CIMAP3: variants seen among roughly 807,000 people sequenced by gnomAD.
CIMAP3 encodes ciliary microtubule-associated protein 3.
At chr1:111,351,133 C>G in the CIMAP3 span, 10 of 792,524 alleles carry the variant, frequency 1.3e-5, no homozygotes, top group Middle Eastern at 7.3e-4. Context: ...GGCTAGATTA[C>G]TATGGAGTTG....
chr1:111,341,270 AG>A, the CIMAP3 span, among the ~76,000 whole-genome samples: 1 of 151,894 alleles, frequency 6.6e-6, no homozygotes, highest in Non-Finnish European at 1.5e-5. Context: ...ATGACGAGTT[AG>A]TGGGTGCAGC....
At chr1:111,340,920 C>T in the CIMAP3 span, among the ~76,000 whole-genome samples, 14 of 152,072 alleles carry the variant, frequency 9.2e-5, no homozygotes, top group South Asian at 2.1e-4. Flanking sequence ...ATGTTTATTG[C>T]GACATTATTC....
chr1:111,348,564 G>GA, the CIMAP3 span: 1 of 1,611,926 alleles, frequency 6.2e-7, no homozygotes, highest in Middle Eastern at 1.7e-4. Context: ...TCCTCAGCAG[G>GA]AAAAACACAA....
At chr1:111,340,060 C>T in the CIMAP3 span, among the ~76,000 whole-genome samples, 3 of 151,910 alleles carry the variant, frequency 2.0e-5, no homozygotes, top group Non-Finnish European at 4.4e-5. Context: ...CGCATATCTA[C>T]AACTATCTGA....
chr1:111,337,744 A>G, the CIMAP3 span, among the ~76,000 whole-genome samples: 1 of 152,152 alleles, frequency 6.6e-6, no homozygotes, highest in African/African-American at 2.4e-5. Context: ...CACAACAATA[A>G]TGGGAGACTT....
At chr1:111,342,947 G>A in the CIMAP3 span, among the ~76,000 whole-genome samples, 5 of 152,126 alleles carry the variant, frequency 3.3e-5, no homozygotes, top group Non-Finnish European at 7.3e-5. Context: ...TATTGTTGGT[G>A]ATAATCCCAG....
At chr1:111,351,250 T>A in the CIMAP3 span, 1 of 1,610,924 alleles carries the variant, frequency 6.2e-7, no homozygotes. Flanking sequence ...AAACGTTCTT[T>A]CATTGCAGCT....
At chr1:111,340,137 A>G in the CIMAP3 span, among the ~76,000 whole-genome samples, 3 of 152,128 alleles carry the variant, frequency 2.0e-5, no homozygotes, top group African/African-American at 4.8e-5. Flanking sequence ...TGGTGCTGGG[A>G]AAACTGGCTA....
the CIMAP3 span, among the ~76,000 whole-genome samples, chr1:111,341,448 G>T: frequency 6.6e-6 from 1 of 152,162 alleles, no homozygotes; most frequent in Non-Finnish European, 1.5e-5. Flanking sequence ...TCCAGAAGGA[G>T]AGGTAGCAAA....
the CIMAP3 span, among the ~76,000 whole-genome samples, chr1:111,329,545 ATATATATATATATAAT>A: frequency 4.9e-5 from 3 of 61,726 alleles, no homozygotes; most frequent in East Asian, 4.5e-4. Flanking sequence ...ATATATATAT[ATATATATATATATAAT>A]TTTTTTTTTT....
chr1:111,328,126 A>G, the CIMAP3 span, among the ~76,000 whole-genome samples: 1 of 152,196 alleles, frequency 6.6e-6, no homozygotes, highest in African/African-American at 2.4e-5. Context: ...ATTCAGAAGC[A>G]TATTGTTTAA....
the CIMAP3 span, among the ~76,000 whole-genome samples, chr1:111,342,143 G>A: frequency 1.3e-5 from 2 of 152,114 alleles, no homozygotes; most frequent in Non-Finnish European, 2.9e-5. Flanking sequence ...AGGTCAAGGA[G>A]AAAGAGACGA....
At chr1:111,345,326 T>C in the CIMAP3 span, among the ~76,000 whole-genome samples, 1 of 152,246 alleles carries the variant, frequency 6.6e-6, no homozygotes, top group African/African-American at 2.4e-5. Context: ...CAACCTTTTA[T>C]ATTACTGGGC....
At chr1:111,350,716 A>C in the CIMAP3 span, among the ~76,000 whole-genome samples, 1 of 152,226 alleles carries the variant, frequency 6.6e-6, no homozygotes, top group Non-Finnish European at 1.5e-5. Flanking sequence ...ATCTTGAGCA[A>C]ATCTTTTGAC....
At chr1:111,335,127 C>CAAAAAAAAAAAAAAAAAA in the CIMAP3 span, among the ~76,000 whole-genome samples, 1 of 29,314 alleles carries the variant, frequency 3.4e-5, no homozygotes, top group African/African-American at 1.2e-4. Flanking sequence ...GTCTCTGTCT[C>CAAAAAAAAAAAAAAAAAA]AAAAAAAAAA....
chr1:111,338,253 CA>C, the CIMAP3 span, among the ~76,000 whole-genome samples: 29 of 151,796 alleles, frequency 1.9e-4, no homozygotes, highest in African/African-American at 6.8e-4. Flanking sequence ...AGGAAACATC[CA>C]AAATTGACAC....
chr1:111,336,465 A>G, the CIMAP3 span, among the ~76,000 whole-genome samples: 2 of 152,202 alleles, frequency 1.3e-5, no homozygotes, highest in African/African-American at 2.4e-5. Flanking sequence ...ATTTAGAAGA[A>G]TGTATAACTA....
At chr1:111,350,336 A>C in the CIMAP3 span, 1 of 785,698 alleles carries the variant, frequency 1.3e-6, no homozygotes, top group Non-Finnish European at 2.1e-6. Flanking sequence ...CCTTGGTCCC[A>C]AAAAATTATA....
At chr1:111,344,497 A>T in the CIMAP3 span, among the ~76,000 whole-genome samples, 1 of 152,162 alleles carries the variant, frequency 6.6e-6, no homozygotes, top group East Asian at 1.9e-4. Context: ...TGAACTCACC[A>T]CTTTGGGCTT....
Sources: gnomAD v4.1 joint callset for allele counts (sites outside exome capture counted in the v4.1 genomes callset) on GRCh38, gnomAD v4.1.1 for gene constraint, MANE v1.5 for transcripts, NCBI Gene and HGNC (gene_info 2026-07-23, HGNC 2026-07-21) for gene names.